Variants in NPAS3 observed in about 807,000 individuals in gnomAD.
NPAS3 encodes neuronal PAS domain protein 3, also known as neuronal PAS domain-containing protein 3.
A neutral mutation model predicts 73.1 loss-of-function variants in NPAS3; 14 were observed. The observed-to-expected ratio is 0.19, with a 90% CI of 0.13 to 0.30. The LOEUF is 0.30. Ranked by LOEUF, NPAS3 falls within the 10% of genes least tolerant of loss-of-function variation. NPAS3 has a pLI of 1.00. For missense variants in NPAS3, 1,096 were observed against 1,250.0 expected, an observed-to-expected ratio of 0.88 and a Z score of 1.86; for synonymous variants, 620 against 541.5, an observed-to-expected ratio of 1.14 and a Z score of -2.01.
At chr14:33,012,752 G>A (rs2039255252) in intron 1 of NPAS3, among the ~76,000 whole-genome samples, 1 of 152,070 alleles carries the variant, frequency 6.6e-6, no homozygotes, top group African/African-American at 2.4e-5. Context: ...GTTTCACTGT[G>A]TTCCCCAGGC....
At chr14:33,668,373 T>C (rs2059515690) in intron 5 of NPAS3, among the ~76,000 whole-genome samples, 1 of 152,210 alleles carries the variant, frequency 6.6e-6, no homozygotes. Context: ...GTTATATGGG[T>C]GCATTAAGCA....
chr14:33,762,949 A>G (rs1177478129), intron 7 of NPAS3, among the ~76,000 whole-genome samples: 2 of 152,214 alleles, frequency 1.3e-5, no homozygotes, highest in Non-Finnish European at 2.9e-5. Context: ...TTGGGAAAAC[A>G]AAAGAGGAAA....
intron 4 of NPAS3, among the ~76,000 whole-genome samples, chr14:33,397,002 G>A (rs1426464540): frequency 6.6e-6 from 1 of 152,056 alleles, no homozygotes; most frequent in East Asian, 1.9e-4. Flanking sequence ...AATATAAAAT[G>A]GTGGTGGCAT....
chr14:33,726,831 G>A (rs750685844), intron 6 of NPAS3, among the ~76,000 whole-genome samples: 1 of 152,136 alleles, frequency 6.6e-6, no homozygotes, highest in Non-Finnish European at 1.5e-5. Flanking sequence ...TGCTGAGTGA[G>A]GGCAAGAAGT....
chr14:33,305,975 G>A (rs2042738630), intron 3 of NPAS3, among the ~76,000 whole-genome samples: 1 of 152,050 alleles, frequency 6.6e-6, no homozygotes, highest in African/African-American at 2.4e-5. Context: ...CTAGGAGTAG[G>A]GTAGGAAAGT....
At chr14:32,952,430 T>A (rs567586348) in intron 1 of NPAS3, among the ~76,000 whole-genome samples, 60 of 152,206 alleles carry the variant, frequency 3.9e-4, no homozygotes, top group African/African-American at 1.4e-3. Context: ...TTTATTTGAA[T>A]TTTTAAAATG....
chr14:33,112,531 A>C (rs1479275389), intron 2 of NPAS3, among the ~76,000 whole-genome samples: 1 of 151,828 alleles, frequency 6.6e-6, no homozygotes, highest in African/African-American at 2.4e-5. Context: ...TTTTCTTGTA[A>C]ATCTGTTTGA....
chr14:33,788,904 C>A (rs1595617817), intron 9 of NPAS3, among the ~76,000 whole-genome samples: 1 of 148,276 alleles, frequency 6.7e-6, no homozygotes, highest in East Asian at 2.0e-4. Flanking sequence ...ATAGGCCAAC[C>A]ACTAAGCTCA....
chr14:33,412,297 T>G (rs1190652550), intron 4 of NPAS3, among the ~76,000 whole-genome samples: 4 of 152,016 alleles, frequency 2.6e-5, no homozygotes, highest in Non-Finnish European at 5.9e-5. Context: ...TTTTTGTATT[T>G]TTTGTAGAGA....
At chr14:33,542,194 T>G (rs148410711) in intron 4 of NPAS3, among the ~76,000 whole-genome samples, 172 of 152,330 alleles carry the variant, frequency 1.1e-3, no homozygotes, top group African/African-American at 3.8e-3. Context: ...GATCATTTAG[T>G]GTCTGCCTGT....
intron 7 of NPAS3, among the ~76,000 whole-genome samples, chr14:33,764,687 A>AG (rs2062404560): frequency 1.3e-5 from 2 of 152,218 alleles, no homozygotes; most frequent in Admixed American, 6.5e-5. Flanking sequence ...CTAAGCCATG[A>AG]GGGGCCTCAG....
chr14:33,611,162 A>G (rs1279788029), intron 5 of NPAS3: 2 of 152,228 alleles, frequency 1.3e-5, no homozygotes, highest in Non-Finnish European at 1.5e-5. Flanking sequence ...CCTCCCTAAG[A>G]ATACAGAGCT....
intron 2 of NPAS3, among the ~76,000 whole-genome samples, chr14:33,165,319 A>G (rs2139338676): frequency 6.6e-6 from 1 of 151,344 alleles, no homozygotes; most frequent in Non-Finnish European, 1.5e-5. Flanking sequence ...GTTTTGTTTC[A>G]TTGCATAATC....
intron 6 of NPAS3, among the ~76,000 whole-genome samples, chr14:33,702,411 A>T (rs2060547466): frequency 6.6e-6 from 1 of 152,246 alleles, no homozygotes; most frequent in South Asian, 2.1e-4. Context: ...TTCAGTGCAG[A>T]TGCAAATAAT....
chr14:33,469,876 C>T (rs931580569), intron 4 of NPAS3, among the ~76,000 whole-genome samples: 2 of 152,090 alleles, frequency 1.3e-5, no homozygotes, highest in African/African-American at 4.8e-5. Context: ...TTAATGACAC[C>T]GTTTATTTGA....
At chr14:33,018,534 G>T (rs1012504327) in intron 1 of NPAS3, among the ~76,000 whole-genome samples, 1 of 152,184 alleles carries the variant, frequency 6.6e-6, no homozygotes, top group Non-Finnish European at 1.5e-5. Context: ...TTCTGTGAGA[G>T]ACTGAATCTT....
chr14:33,434,607 T>A (rs1243298499), intron 4 of NPAS3, among the ~76,000 whole-genome samples: 1 of 152,136 alleles, frequency 6.6e-6, no homozygotes, highest in Non-Finnish European at 1.5e-5. Context: ...TCACTCCTCA[T>A]TTGTTCTGTC....
chr14:33,048,783 T>C (rs956332073), intron 1 of NPAS3, among the ~76,000 whole-genome samples: 8 of 152,234 alleles, frequency 5.3e-5, no homozygotes, highest in African/African-American at 1.9e-4. Context: ...AAGAACACTC[T>C]GGCTGAGAGG....
intron 5 of NPAS3, among the ~76,000 whole-genome samples, chr14:33,627,348 T>C (rs551219817): frequency 3.3e-5 from 5 of 152,282 alleles, no homozygotes; most frequent in African/African-American, 1.2e-4. Flanking sequence ...CTTTGACCTT[T>C]GTGAAGTTCC....
Sources: allele counts gnomAD v4.1 joint callset (sites outside exome capture counted in the v4.1 genomes callset), GRCh38; gene constraint gnomAD v4.1.1; transcripts MANE v1.5; gene names NCBI Gene and HGNC (gene_info 2026-07-23, HGNC 2026-07-21).